The following DLG2 variants were observed in gnomAD, a reference collection of about 807,000 sequenced individuals.
DLG2 encodes disks large homolog 2.
DLG2 carries 45 observed loss-of-function variants against 132.5 expected under a neutral mutation model. The observed-to-expected ratio is 0.34, with a 90% CI of 0.27 to 0.44. The LOEUF is 0.44. Among genes scored for constraint, DLG2 ranks in the 20% least tolerant of loss-of-function variants. The pLI, the probability that DLG2 is intolerant of heterozygous loss-of-function variation, is 1.00. For missense variants in DLG2, 1,045 were observed against 1,196.9 expected (o/e 0.87, Z 1.87); for synonymous variants, 424 against 419.6 (o/e 1.01, Z -0.13).
chr11:84,656,427 C>A (rs928491958), intron 6 of DLG2, among the ~76,000 whole-genome samples: 1 of 152,044 alleles, frequency 6.6e-6, no homozygotes, highest in Non-Finnish European at 1.5e-5. Context: ...CAATATAATA[C>A]ACTGAAATTT....
Position 83,469,210 on chromosome 11 carries a change from T to A in DLG2, c.2610A>T (p.Val870=). 2 of 1,606,566 alleles carry A rather than the reference T, an allele frequency of 1.2e-6. No individual in the cohort carries two copies. The highest frequency in any genetic ancestry group is 1.7e-6 in the Non-Finnish European group (2 of 1,176,754). Residue 870 remains valine (V), a synonymous_variant, in exon 25 of 28, where the codon GTA becomes GTT. Coordinates refer to ENST00000376104, the MANE Select transcript of DLG2 (RefSeq NM_001142699.3). ...AGATTGGTGAACATACTCTTTCTGCTACAAATCTCACAGACTGCACACTGG... is the reference window on the plus strand; with the variant it reads ...AGATTGGTGAACATACTCTTTCTGCAACAAATCTCACAGACTGCACACTGG... The part of the protein sequence containing the change: ...YGTSVQSVRF[V]AERGKHCILD...
chr11:83,633,208 T>C lies in DLG2; in HGVS notation c.1940+3A>G, dbSNP rs140255759. On this transcript the variant is annotated splice_donor_region_variant and intron_variant, in intron 19 of 27. Coordinates refer to ENST00000376104, the MANE Select transcript of DLG2 (RefSeq NM_001142699.3). ...GCAGATAGAGAAATACTCCTTTGCC[T>C]ACCTGACGTAGAGGGAGCGTTTCTG... is the stretch of plus-strand genomic sequence containing the variant. 1 of 1,613,170 alleles carries C rather than the reference T, an allele frequency of 6.2e-7. No individual in the cohort carries two copies. Among genetic ancestry groups the C allele is most frequent in the Non-Finnish European group, 8.5e-7 (1 of 1,179,252 alleles).
At chr11:84,061,166 G>T (rs1309162090) in intron 10 of DLG2, among the ~76,000 whole-genome samples, 1 of 152,138 alleles carries the variant, frequency 6.6e-6, no homozygotes, top group Non-Finnish European at 1.5e-5. Context: ...CATTTCCTAA[G>T]TTTGTAACCA....
In DLG2 at chr11:83,996,017, A is replaced by G. The variant is rs745937975; in HGVS notation, c.920-15375T>C. ...AAAGGCTTCTGATAGTAAAGGAAAC[A>G]ATCAACAAAGTGAAGAGACAGTCCA... On this transcript the variant is annotated intron_variant, in intron 11 of 27. Transcript: ENST00000376104. Among the ~76,000 whole-genome samples, 4 of 152,210 alleles carry G rather than the reference A, an allele frequency of 2.6e-5. No homozygotes were observed. The East Asian group carries it at 5.8e-4, about 22-fold the overall frequency.
chr11:85,261,125 G>A (rs2076918161), intron 4 of DLG2, among the ~76,000 whole-genome samples: 2 of 152,116 alleles, frequency 1.3e-5, no homozygotes, highest in South Asian at 4.1e-4. Flanking sequence ...TATGTTGCAA[G>A]GAAATAACAG....
At chr11:85,283,213 C>T (rs2078343158) in intron 4 of DLG2, among the ~76,000 whole-genome samples, 7 of 151,670 alleles carry the variant, frequency 4.6e-5, no homozygotes, top group Admixed American at 2.6e-4. Context: ...CAAACATGCA[C>T]ATGTACCCCT....
intron 3 of DLG2, among the ~76,000 whole-genome samples, chr11:85,442,113 C>T (rs2091810346): frequency 6.6e-6 from 1 of 151,934 alleles, no homozygotes; most frequent in African/African-American, 2.4e-5. Context: ...CGGAAAGCTC[C>T]ATAGAGAATA....
chr11:84,595,927 GAAACCAACA>G (rs1245621018), intron 6 of DLG2, among the ~76,000 whole-genome samples: 1 of 152,028 alleles, frequency 6.6e-6, no homozygotes, highest in Non-Finnish European at 1.5e-5. Flanking sequence ...ACAGCATAGA[GAAACCAACA>G]AAACCAACCT....
At chr11:83,649,420 T>C (rs1369519029) in intron 18 of DLG2, among the ~76,000 whole-genome samples, 1 of 152,084 alleles carries the variant, frequency 6.6e-6, no homozygotes, top group Non-Finnish European at 1.5e-5. Context: ...CAATGAATAG[T>C]GCCATCACTA....
intron 11 of DLG2, among the ~76,000 whole-genome samples, chr11:84,051,776 A>T (rs1002036276): frequency 2.6e-5 from 4 of 151,008 alleles, no homozygotes; most frequent in Admixed American, 6.6e-5. Context: ...AGTATAATAT[A>T]AAAAAAAAGA....
chr11:85,058,364 T>C (rs551691066), intron 6 of DLG2, among the ~76,000 whole-genome samples: 2 of 151,724 alleles, frequency 1.3e-5, no homozygotes, highest in South Asian at 4.1e-4. Context: ...CAGTGAATTA[T>C]AAAGTATTGA....
intron 6 of DLG2, among the ~76,000 whole-genome samples, chr11:84,996,649 C>G (rs774657263): frequency 3.3e-5 from 5 of 152,074 alleles, no homozygotes; most frequent in Non-Finnish European, 7.4e-5. Flanking sequence ...TAGAAAAATA[C>G]TAATCTAATG....
Position 83,794,109 on chromosome 11 carries a change from T to C in DLG2, c.1723-7317A>G, listed in dbSNP as rs1301883909. On this transcript the variant is annotated intron_variant, in intron 17 of 27. Coordinates refer to ENST00000376104, the MANE Select transcript of DLG2 (RefSeq NM_001142699.3). ...CTCTAATATGTGAGTTTGTTTCTTTTTCACTGGACCAATAATAAAATCTTG... is the reference window on the plus strand; with the variant it reads ...CTCTAATATGTGAGTTTGTTTCTTTCTCACTGGACCAATAATAAAATCTTG... 2.6e-5 allele frequency among the ~76,000 whole-genome samples: 4 copies of C among 152,214 alleles called. No homozygotes were observed. In the East Asian group the frequency reaches 7.7e-4, roughly 29 times the overall value.
chr11:85,256,815 T>TATC (rs1451921461), intron 4 of DLG2, among the ~76,000 whole-genome samples: 1 of 152,194 alleles, frequency 6.6e-6, no homozygotes, highest in African/African-American at 2.4e-5. Flanking sequence ...AAGTCTAGTG[T>TATC]ATCATTGTTA....
intron 7 of DLG2, among the ~76,000 whole-genome samples, chr11:84,295,300 A>G (rs75809908): frequency 0.096 from 14,640 of 152,236 alleles, 765 homozygotes; most frequent in South Asian, 0.14. Flanking sequence ...TAATATTAAT[A>G]GTATATGAGA....
In DLG2 at chr11:84,304,140, C is replaced by T. The variant is rs377445242; in HGVS notation, c.520-52849G>A. Among the ~76,000 whole-genome samples, 6 of 152,136 alleles carry T rather than the reference C, an allele frequency of 3.9e-5. No individual in the cohort carries two copies. The East Asian group carries it at 1.2e-3, about 29-fold the overall frequency. On this transcript the variant is annotated intron_variant, in intron 7 of 27. Coordinates refer to ENST00000376104, the MANE Select transcript of DLG2 (RefSeq NM_001142699.3). ...CATACAGGTATTGAACACATAGTTC[C>T]TCTTCTCTACAGTCATAAATGCAGA...
intron 7 of DLG2, among the ~76,000 whole-genome samples, chr11:84,368,995 G>T (rs925309039): frequency 2.0e-5 from 3 of 151,990 alleles, no homozygotes; most frequent in Admixed American, 1.3e-4. Context: ...TTCTCCACAT[G>T]AGGTAACGTA....
chr11:85,497,199 G>C (rs1270609677), intron 3 of DLG2, among the ~76,000 whole-genome samples: 1 of 151,960 alleles, frequency 6.6e-6, no homozygotes, highest in African/African-American at 2.4e-5. Context: ...TAGACGAATG[G>C]CTAACTAGAA....
At chr11:84,396,432 T>A (rs1247992232) in intron 7 of DLG2, among the ~76,000 whole-genome samples, 1 of 152,238 alleles carries the variant, frequency 6.6e-6, no homozygotes, top group African/African-American at 2.4e-5. Context: ...TGTTTTTCCA[T>A]AAGAAACATC....
Sources: gnomAD v4.1 joint callset for allele counts (sites outside exome capture counted in the v4.1 genomes callset) on GRCh38, gnomAD v4.1.1 for gene constraint, MANE v1.5 for transcripts, NCBI Gene and HGNC (gene_info 2026-07-23, HGNC 2026-07-21) for gene names.